The following WDFY4 variants were observed in gnomAD, a reference collection of about 807,000 sequenced individuals.
WDFY4 encodes WD repeat- and FYVE domain-containing protein 4.
In WDFY4, 169 loss-of-function variants were observed where a neutral mutation model predicts 351.9. The observed-to-expected ratio is 0.48, with a 90% CI of 0.42 to 0.55. The LOEUF (loss-of-function observed/expected upper bound fraction) is 0.55, where lower values mean the gene tolerates loss of function less well. Ranked by LOEUF, WDFY4 falls within the 20% of genes least tolerant of loss-of-function variation. The pLI is 0.00. For missense variants in WDFY4, 3,803 were observed against 3,935.6 expected, an observed-to-expected ratio of 0.97 and a Z score of 0.90; for synonymous variants, 1,622 against 1,574.6, an observed-to-expected ratio of 1.03 and a Z score of -0.71.
intron 61 of WDFY4, among the ~76,000 whole-genome samples, chr10:48,982,023 G>A (rs1031148942): frequency 5.3e-5 from 8 of 152,172 alleles, no homozygotes; most frequent in African/African-American, 1.9e-4. Context: ...TTGCAGAGCC[G>A]GACTTCCTTC....
chr10:48,842,725 A>G (rs2068650443), intron 39 of WDFY4, among the ~76,000 whole-genome samples: 1 of 152,204 alleles, frequency 6.6e-6, no homozygotes, highest in Admixed American at 6.5e-5. Context: ...GTAGTCTGCC[A>G]TGTTGTGACT....
intron 1 of WDFY4, 107 bp from the exon 2 acceptor site, chr10:48,709,609 C>A: frequency 1.0e-6 from 1 of 954,482 alleles, no homozygotes; most frequent in Non-Finnish European, 1.5e-6. Context: ...TTAGGGGAAC[C>A]ATTTTCAATA....
At position 48,685,386 on chromosome 10, in the gene WDFY4, C is replaced by T. The variant is rs1166840906; in HGVS notation, c.-18+385C>T. Among the ~76,000 whole-genome samples, 10 of 152,216 alleles carry T rather than the reference C, an allele frequency of 6.6e-5. No individual in the cohort carries two copies. The East Asian group carries it at 1.4e-3, about 21-fold the overall frequency. ...CGGGCTTTCCTGGTTGTCGAGGGGG[C>T]GGAGAGAGCAGGCCGACAGGACAGT... On this transcript the variant is annotated intron_variant, in intron 1 of 61. Coordinates refer to ENST00000325239, the MANE Select transcript of WDFY4 (RefSeq NM_001394531.1).
chr10:48,911,173 C>T (rs1445497350), intron 47 of WDFY4, among the ~76,000 whole-genome samples: 1 of 152,210 alleles, frequency 6.6e-6, no homozygotes, highest in Non-Finnish European at 1.5e-5. Flanking sequence ...AGCATGGTGT[C>T]TCATCACACA....
chr10:48,979,106 A>G (rs532980102), intron 60 of WDFY4, among the ~76,000 whole-genome samples: 4 of 152,332 alleles, frequency 2.6e-5, no homozygotes, highest in South Asian at 2.1e-4. Context: ...CCTTCCTTCA[A>G]GATAACACCT....
In WDFY4 at chr10:48,743,069, C is replaced by G; in HGVS notation, c.1980C>G (p.Ser660=). 6.4e-7 allele frequency: 1 copy of G among 1,551,694 alleles called. No homozygotes were observed. Among genetic ancestry groups the G allele is most frequent in the Non-Finnish European group, 8.7e-7 (1 of 1,146,994 alleles). The stretch of plus-strand genomic sequence containing the variant: ...CTCTGCTCTCTGACCTGGAAGGCTC[C>G]CTCCAGGAGCCCCCGCTGCAGGCAT... The part of the protein sequence containing the change: ...LLSLLSDLEG[S]LQEPPLQAWG... Residue 660 remains serine, a synonymous_variant, in exon 12 of 62, where the codon TCC becomes TCG. Coordinates refer to ENST00000325239, the MANE Select transcript of WDFY4 (RefSeq NM_001394531.1).
chr10:48,710,946 T>C (rs1159895057), intron 2 of WDFY4, among the ~76,000 whole-genome samples: 2 of 152,208 alleles, frequency 1.3e-5, no homozygotes, highest in Non-Finnish European at 2.9e-5. Context: ...AAGCACTTTT[T>C]ATAAGGACTT....
At chr10:48,819,107 T>C (rs769780045) in intron 32 of WDFY4, among the ~76,000 whole-genome samples, 3 of 152,250 alleles carry the variant, frequency 2.0e-5, no homozygotes, top group African/African-American at 4.8e-5. Context: ...CCAGGGCTCC[T>C]GCTCCCCATG....
At chr10:48,763,752 T>A (rs1394449079) in intron 13 of WDFY4, among the ~76,000 whole-genome samples, 1 of 152,272 alleles carries the variant, frequency 6.6e-6, no homozygotes, top group Non-Finnish European at 1.5e-5. Flanking sequence ...AAAAGTCTAA[T>A]TCTCCCTCGC....
chr10:48,787,977 T>C (rs796944200), intron 20 of WDFY4, among the ~76,000 whole-genome samples: 22 of 92,276 alleles, frequency 2.4e-4, no homozygotes, highest in South Asian at 7.8e-4. Context: ...TTCTTCTTCT[T>C]CTTCTTCTCC....
In WDFY4 at chr10:48,743,058, C is replaced by A; in HGVS notation, c.1969C>A (p.Leu657Met). 6.4e-7 allele frequency: 1 copy of A among 1,551,692 alleles called. No individual in the cohort carries two copies. Among genetic ancestry groups the A allele is most frequent in the African/African-American group, 1.4e-5 (1 of 73,168 alleles). Residue 657 changes from leucine (L) to methionine (M), a missense_variant, in exon 12 of 62, where the codon CTG becomes ATG. By Grantham distance (15) the Leu-to-Met change is conservative. Coordinates refer to ENST00000325239, the MANE Select transcript of WDFY4 (RefSeq NM_001394531.1). Reference protein sequence around the residue: ...FNGLLSLLSDLEGSLQEPPLQ... With the variant: ...FNGLLSLLSDMEGSLQEPPLQ... Reference sequence around the variant, plus strand: ...CGGGCTGCTGTCTCTGCTCTCTGACCTGGAAGGCTCCCTCCAGGAGCCCCC... The same window carrying A: ...CGGGCTGCTGTCTCTGCTCTCTGACATGGAAGGCTCCCTCCAGGAGCCCCC...
chr10:48,800,494 G>A (rs1030313135), intron 24 of WDFY4, among the ~76,000 whole-genome samples: 6 of 151,838 alleles, frequency 4.0e-5, no homozygotes, highest in Admixed American at 1.3e-4. Context: ...ACAAAAATTT[G>A]TGAGGGAAGG....
chr10:48,804,103 G>A (rs1249875048), intron 25 of WDFY4, among the ~76,000 whole-genome samples: 1 of 152,214 alleles, frequency 6.6e-6, no homozygotes, highest in Non-Finnish European at 1.5e-5. Context: ...CCCCTCTGGA[G>A]TTAGAAAGTG....
chr10:48,843,074 C>G (rs115084092), intron 39 of WDFY4, among the ~76,000 whole-genome samples: 1,616 of 152,320 alleles, frequency 0.011, 27 homozygotes, highest in African/African-American at 0.037. Context: ...AGGTAACAAC[C>G]ACTGCCCGTT....
chr10:48,976,723 C>G, intron 58 of WDFY4, 74 bp from the exon 59 acceptor site: 1 of 1,275,780 alleles, frequency 7.8e-7, no homozygotes, highest in Non-Finnish European at 1.0e-6. Flanking sequence ...GGTGTACCAA[C>G]TGGGTAGCTG....
At chr10:48,782,577 C>A (rs549034716) in intron 19 of WDFY4, among the ~76,000 whole-genome samples, 1 of 152,146 alleles carries the variant, frequency 6.6e-6, no homozygotes, top group Non-Finnish European at 1.5e-5. Context: ...TGACAGAGTG[C>A]GCTTTCCAAA....
chr10:48,895,310 C>A (rs916924119), intron 44 of WDFY4, among the ~76,000 whole-genome samples: 3 of 152,212 alleles, frequency 2.0e-5, no homozygotes, highest in Admixed American at 2.0e-4. Context: ...CCATGGGCTA[C>A]ATTGTAGGCT....
chr10:48,910,375 G>T (rs1477206797), intron 47 of WDFY4: 1 of 880,762 alleles, frequency 1.1e-6, no homozygotes, highest in Non-Finnish European at 1.9e-6. Context: ...GGATGGTCAG[G>T]TTAGTGTGAA....
chr10:48,805,232 T>G (rs2067213239), intron 25 of WDFY4, 28 bp from the exon 26 acceptor site: 1 of 1,527,514 alleles, frequency 6.5e-7, no homozygotes, highest in Non-Finnish European at 8.8e-7. Context: ...AGTAAAAGCT[T>G]TTACTGTCTC....
Sources: allele counts gnomAD v4.1 joint callset (sites outside exome capture counted in the v4.1 genomes callset), GRCh38; gene constraint gnomAD v4.1.1; transcripts MANE v1.5; gene names NCBI Gene and HGNC (gene_info 2026-07-23, HGNC 2026-07-21).